Variants in RDX observed in about 807,000 individuals in gnomAD.
The protein encoded by RDX is deafness, autosomal recessive 24.
Under a neutral mutation model 83.7 loss-of-function variants are expected in RDX, and 32 were observed. The observed-to-expected ratio is 0.38, with a 90% confidence interval of 0.29 to 0.51. RDX has a LOEUF of 0.51. RDX is among the 20% of genes least tolerant of loss of function. The probability of loss-of-function intolerance (pLI) is 0.87; values close to 1 mark genes in which losing one functional copy is unlikely to be tolerated. For synonymous variants in RDX, 229 were observed against 222.7 expected (o/e 1.03, Z -0.25); for missense variants, 600 against 689.9 (o/e 0.87, Z 1.46).
At chr11:110,180,654 CTTT>C (rs11295043) in intron 15 of RDX, among the ~76,000 whole-genome samples, 8 of 141,940 alleles carry the variant, frequency 5.6e-5, no homozygotes, top group Non-Finnish European at 4.6e-5. Context: ...TATCTCAGAA[CTTT>C]TTTTTTTTTT....
intron 15 of RDX, among the ~76,000 whole-genome samples, chr11:110,184,688 C>T (rs998667623): frequency 3.9e-5 from 6 of 151,998 alleles, no homozygotes; most frequent in Admixed American, 2.0e-4. Flanking sequence ...AGGTGGGAGG[C>T]GGGGTGTGCA....
chr11:110,250,034 C>T (rs1279151442), intron 9 of RDX, among the ~76,000 whole-genome samples: 1 of 152,178 alleles, frequency 6.6e-6, no homozygotes, highest in Non-Finnish European at 1.5e-5. Flanking sequence ...CTCTGCAGGA[C>T]ATTCACCTCT....
intron 14 of RDX, among the ~76,000 whole-genome samples, chr11:110,223,291 T>G (rs1218731970): frequency 6.6e-6 from 1 of 151,964 alleles, no homozygotes; most frequent in African/African-American, 2.4e-5. Context: ...AGGTGGAGCT[T>G]GCAGTGAGCG....
chr11:110,235,384 C>T (rs530421185), intron 12 of RDX, among the ~76,000 whole-genome samples: 1 of 152,200 alleles, frequency 6.6e-6, no homozygotes, highest in Non-Finnish European at 1.5e-5. Flanking sequence ...TCACTGGTTC[C>T]CATGCCTTTT....
In RDX at chr11:110,296,451, G is replaced by A. The variant is rs926983712; in HGVS notation, c.-65+16C>T. ...CGGGAGCGGGGAGTGGGGGAAGGGAGGGCGCCGCGCCTTACCCGGAGAGCG... is the reference window on the plus strand; with the variant it reads ...CGGGAGCGGGGAGTGGGGGAAGGGAAGGCGCCGCGCCTTACCCGGAGAGCG... On this transcript the variant is annotated intron_variant, in intron 1 of 13. Transcript: ENST00000645495. 1.3e-5 allele frequency: 2 copies of A among 151,492 alleles called. No homozygotes were observed. The highest frequency in any genetic ancestry group is 2.4e-5 in the African/African-American group (1 of 41,368). 9.4% of individuals were successfully genotyped at this position (151,492 alleles called of 1,614,324 possible).
At chr11:110,215,142 C>T (rs1443194728) in intron 14 of RDX, among the ~76,000 whole-genome samples, 1 of 149,968 alleles carries the variant, frequency 6.7e-6, no homozygotes, top group South Asian at 2.1e-4. Context: ...GGGCGGATCA[C>T]GAGGTCAGGA....
At chr11:110,281,345 G>C (rs1860752666) in intron 1 of RDX, among the ~76,000 whole-genome samples, 1 of 149,338 alleles carries the variant, frequency 6.7e-6, no homozygotes, top group Admixed American at 6.6e-5. Context: ...TTTTGAGATG[G>C]AGTCTCACTC....
intron 14 of RDX, among the ~76,000 whole-genome samples, chr11:110,221,269 C>G (rs1352962622): frequency 6.6e-6 from 1 of 152,082 alleles, no homozygotes; most frequent in Non-Finnish European, 1.5e-5. Flanking sequence ...GCTGTACCCC[C>G]CCCAAAATAC....
At chr11:110,232,138 C>T (rs1864663442) in intron 13 of RDX, 105 bp from the exon 14 acceptor site, 1 of 900,990 alleles carries the variant, frequency 1.1e-6, no homozygotes, top group South Asian at 1.5e-5. Flanking sequence ...ATCATTTCCA[C>T]TGTGAAACCT....
At chr11:110,215,774 G>T (rs752744411) in intron 14 of RDX, among the ~76,000 whole-genome samples, 1 of 152,166 alleles carries the variant, frequency 6.6e-6, no homozygotes, top group Non-Finnish European at 1.5e-5. Context: ...AAGGGCTTTC[G>T]CTTCTAAGAA....
chr11:110,186,954 C>A (rs1455073939), intron 15 of RDX, among the ~76,000 whole-genome samples: 3 of 152,206 alleles, frequency 2.0e-5, no homozygotes, highest in Admixed American at 2.0e-4. Context: ...ACAGCCAGAA[C>A]TGGGCAGCAA....
At chr11:110,195,063 T>C (rs1479337959) in intron 15 of RDX, among the ~76,000 whole-genome samples, 1 of 152,096 alleles carries the variant, frequency 6.6e-6, no homozygotes, top group Non-Finnish European at 1.5e-5. Flanking sequence ...CGATCTCAGC[T>C]CACTGCAACC....
At chr11:110,272,059 A>G (rs1183264542) in intron 3 of RDX, among the ~76,000 whole-genome samples, 1 of 152,242 alleles carries the variant, frequency 6.6e-6, no homozygotes, top group East Asian at 1.9e-4. Flanking sequence ...TTTTGTGTTT[A>G]GACTTGGGTC....
At chr11:110,258,019 C>T in intron 6 of RDX, 87 bp downstream of exon 6, 1 of 1,487,966 alleles carries the variant, frequency 6.7e-7, no homozygotes, top group Non-Finnish European at 9.3e-7. Flanking sequence ...GTCAAACAAT[C>T]TTTTGGAAAT....
chr11:110,215,829 G>A (rs1389081722), intron 14 of RDX, among the ~76,000 whole-genome samples: 1 of 152,174 alleles, frequency 6.6e-6, no homozygotes, highest in African/African-American at 2.4e-5. Context: ...TTGTCCTTCG[G>A]CAGGTTACCT....
chr11:110,216,530 C>A (rs1038458696), intron 14 of RDX, among the ~76,000 whole-genome samples: 1 of 140,320 alleles, frequency 7.1e-6, no homozygotes, highest in African/African-American at 2.7e-5. Flanking sequence ...GCTACCACAC[C>A]AATTTTTTTT....
chr11:110,235,191 A>T (rs993609233), intron 12 of RDX, among the ~76,000 whole-genome samples: 1 of 152,142 alleles, frequency 6.6e-6, no homozygotes, highest in Non-Finnish European at 1.5e-5. Context: ...CATTCTCAAC[A>T]AAAATAAAAA....
intron 15 of RDX, among the ~76,000 whole-genome samples, chr11:110,194,090 T>C (rs575510687): frequency 1.3e-5 from 2 of 152,370 alleles, no homozygotes; most frequent in South Asian, 2.1e-4. Context: ...TTCCCTGATA[T>C]ATCTATTAAA....
chr11:110,240,559 C>T lies in RDX; in HGVS notation c.1091-2907G>A, dbSNP rs573345585. Among the ~76,000 whole-genome samples, 14 of 150,644 alleles carry T rather than the reference C, an allele frequency of 9.3e-5. 1 individual carries two copies. Among genetic ancestry groups the T allele is most frequent in the African/African-American group, 2.7e-4 (11 of 40,958 alleles). ...GAGATCGAGACCATCCTGGCTAACA[C>T]GGTGAAACCCCGTCTCTACTAAAAA... is the stretch of plus-strand genomic sequence containing the variant. On this transcript the variant is annotated intron_variant, in intron 10 of 13. Transcript: ENST00000645495.
Sources: gnomAD v4.1 joint callset for allele counts (sites outside exome capture counted in the v4.1 genomes callset) on GRCh38, gnomAD v4.1.1 for gene constraint, MANE v1.5 for transcripts, NCBI Gene and HGNC (gene_info 2026-07-23, HGNC 2026-07-21) for gene names.